The following FGF14 variants were observed in gnomAD, a reference collection of about 807,000 sequenced individuals.
FGF14 encodes fibroblast growth factor homologous factor 4.
In FGF14, 5 loss-of-function variants were observed where a neutral mutation model predicts 25.5. The observed-to-expected ratio is 0.20, with a 90% CI of 0.10 to 0.41. The LOEUF (loss-of-function observed/expected upper bound fraction) is 0.41. Ranked by LOEUF, FGF14 falls within the 10% of genes least tolerant of loss-of-function variation. The pLI, the probability that FGF14 is intolerant of heterozygous loss-of-function variation, is 1.00. For synonymous variants in FGF14, 138 were observed against 118.3 expected (o/e 1.17, Z -1.08); for missense variants, 222 against 320.1 (o/e 0.69, Z 2.34).
At chr13:102,209,446 T>A (rs1389239759) in intron 1 of FGF14, among the ~76,000 whole-genome samples, 1 of 152,222 alleles carries the variant, frequency 6.6e-6, no homozygotes, top group South Asian at 2.1e-4. Flanking sequence ...AATAAATTAA[T>A]GTACTTTTAA....
intron 3 of FGF14, among the ~76,000 whole-genome samples, chr13:101,832,335 C>T (rs1279138353): frequency 1.3e-5 from 2 of 152,050 alleles, no homozygotes. Flanking sequence ...CCTGGAGAAG[C>T]ATCAATGTGT....
At chr13:102,344,372 G>C (rs2057040720) in intron 1 of FGF14, among the ~76,000 whole-genome samples, 1 of 152,194 alleles carries the variant, frequency 6.6e-6, no homozygotes, top group Non-Finnish European at 1.5e-5. Flanking sequence ...TATAATACGT[G>C]TTGCTTCTGG....
intron 1 of FGF14, among the ~76,000 whole-genome samples, chr13:101,944,015 CAA>C (rs58749888): frequency 1.8e-3 from 239 of 134,604 alleles, no homozygotes; most frequent in African/African-American, 6.0e-3. Context: ...AAAAAAAAAA[CAA>C]AAAAAAAACA....
chr13:102,386,960 A>C (rs1228653156), intron 1 of FGF14, among the ~76,000 whole-genome samples: 1 of 152,162 alleles, frequency 6.6e-6, no homozygotes, highest in Non-Finnish European at 1.5e-5. Flanking sequence ...TTGTGCTGCC[A>C]ATTTGCTCCC....
intron 1 of FGF14, among the ~76,000 whole-genome samples, chr13:102,275,196 G>C (rs908157839): frequency 3.4e-5 from 5 of 147,182 alleles, no homozygotes; most frequent in African/African-American, 1.3e-4. Flanking sequence ...GTAATGTCCT[G>C]CAGAAGCTGC....
chr13:101,757,422 A>T (rs2037736562), intron 3 of FGF14, among the ~76,000 whole-genome samples: 1 of 152,236 alleles, frequency 6.6e-6, no homozygotes, highest in African/African-American at 2.4e-5. Flanking sequence ...AAGGAATTTT[A>T]TCCTAAAATA....
intron 3 of FGF14, among the ~76,000 whole-genome samples, chr13:101,841,180 A>G (rs1309213422): frequency 6.6e-6 from 1 of 152,018 alleles, no homozygotes; most frequent in Non-Finnish European, 1.5e-5. Flanking sequence ...TACAATAAGG[A>G]GATAAAAATT....
intron 4 of FGF14, among the ~76,000 whole-genome samples, chr13:101,724,174 T>C (rs192338861): frequency 5.1e-4 from 78 of 152,226 alleles, no homozygotes; most frequent in African/African-American, 1.8e-3. Flanking sequence ...GCATGAAGCA[T>C]TGACCTTGAT....
At chr13:102,282,790 C>A (rs923100621) in intron 1 of FGF14, among the ~76,000 whole-genome samples, 1 of 151,348 alleles carries the variant, frequency 6.6e-6, no homozygotes, top group African/African-American at 2.4e-5. Flanking sequence ...TATTTTCACT[C>A]ATATTCCATT....
intron 1 of FGF14, among the ~76,000 whole-genome samples, chr13:102,315,180 G>T (rs891004210): frequency 8.6e-5 from 13 of 151,834 alleles, no homozygotes; most frequent in Middle Eastern, 3.4e-3. Context: ...CTAATAAATC[G>T]GTCAAAGAAA....
intron 1 of FGF14, among the ~76,000 whole-genome samples, chr13:102,174,519 C>A (rs2048369017): frequency 6.6e-6 from 1 of 151,856 alleles, no homozygotes; most frequent in Non-Finnish European, 1.5e-5. Context: ...ATCAAAAACT[C>A]AATTCCATTT....
chr13:102,035,788 A>C (rs1007242998), intron 1 of FGF14, among the ~76,000 whole-genome samples: 1 of 152,108 alleles, frequency 6.6e-6, no homozygotes, highest in African/African-American at 2.4e-5. Flanking sequence ...TCTCAGGTAA[A>C]AATGCAGTTG....
chr13:101,813,531 C>T (rs1056791178), intron 3 of FGF14, among the ~76,000 whole-genome samples: 9 of 152,142 alleles, frequency 5.9e-5, no homozygotes. Context: ...CTTGAACTTC[C>T]CAGCCCCTAG....
At chr13:102,313,581 C>T (rs2055878192) in intron 1 of FGF14, among the ~76,000 whole-genome samples, 1 of 151,454 alleles carries the variant, frequency 6.6e-6, no homozygotes, top group Non-Finnish European at 1.5e-5. Flanking sequence ...AGAAATACTC[C>T]ATTTACCTTT....
intron 1 of FGF14, among the ~76,000 whole-genome samples, chr13:102,380,938 C>T (rs2152691): frequency 0.37 from 55,853 of 151,930 alleles, 13,257 homozygotes; most frequent in African/African-American, 0.68. Flanking sequence ...ACTGAAAATA[C>T]TGTAAGTCAA....
chr13:102,146,412 G>A (rs7336484), intron 1 of FGF14, among the ~76,000 whole-genome samples: 3,393 of 152,192 alleles, frequency 0.022, 138 homozygotes, highest in African/African-American at 0.078. Flanking sequence ...AATAAAAGTG[G>A]CCCCTTTTTA....
intron 3 of FGF14, among the ~76,000 whole-genome samples, chr13:101,853,943 G>T (rs2043989906): frequency 6.6e-6 from 1 of 151,914 alleles, no homozygotes; most frequent in Non-Finnish European, 1.5e-5. Flanking sequence ...TACATGCATT[G>T]ACGGCTCTAT....
intron 1 of FGF14, among the ~76,000 whole-genome samples, chr13:101,973,123 T>C (rs74868413): frequency 6.8e-6 from 1 of 146,136 alleles, no homozygotes; most frequent in Admixed American, 6.7e-5. Context: ...GTGCTTCTTT[T>C]TTTTTTTTTT....
intron 1 of FGF14, among the ~76,000 whole-genome samples, chr13:102,174,197 C>T (rs564788082): frequency 4.7e-5 from 7 of 150,286 alleles, no homozygotes; most frequent in East Asian, 2.0e-4. Flanking sequence ...TGCAGTGGCG[C>T]GATCTCGGCT....
Sources: allele counts gnomAD v4.1 joint callset (sites outside exome capture counted in the v4.1 genomes callset), GRCh38; gene constraint gnomAD v4.1.1; transcripts MANE v1.5; gene names NCBI Gene and HGNC (gene_info 2026-07-23, HGNC 2026-07-21).